PARP1: variants seen among roughly 807,000 people sequenced by gnomAD.
PARP1 encodes the protein poly [ADP-ribose] polymerase 1.
A neutral mutation model predicts 118.7 loss-of-function variants in PARP1; 44 were observed. That is an observed-to-expected ratio of 0.37 (90% CI 0.29 to 0.48). PARP1 has a LOEUF of 0.48. PARP1 is among the 20% of genes least tolerant of loss of function. The pLI is 0.99. For synonymous variants in PARP1, 492 were observed against 483.2 expected (o/e 1.02, Z -0.24); for missense variants, 1,100 against 1,272.4 (o/e 0.86, Z 2.06).
rs768827682 is a variant in PARP1, at chr1:226,390,537, C to T, written c.490G>A (p.Val164Ile). ...AAACCCAGCTCCTCCCTGTTCTTGACAAAGCAGCCTGGATGGTACCAGCGG... is the reference window on the plus strand; with the variant it reads ...AAACCCAGCTCCTCCCTGTTCTTGATAAAGCAGCCTGGATGGTACCAGCGG... ...IDRWYHPGCFVKNREELGFRP... is the reference protein window; with the variant it reads ...IDRWYHPGCFIKNREELGFRP... Residue 164 changes from valine (V) to isoleucine (I), a missense_variant, in exon 4 of 23, where the codon GTC becomes ATC. Val to Ile is a conservative substitution (Grantham distance 29). Coordinates refer to ENST00000366794, the MANE Select transcript of PARP1 (RefSeq NM_001618.4). The T allele has an allele frequency of 3.7e-6, 6 of 1,614,126 alleles. No individual in the cohort carries two copies. In the African/African-American group the frequency reaches 8.0e-5, roughly 22 times the overall value.
rs61835379 is a variant in PARP1 at position 226,380,304 on chromosome 1, C to T, written c.1301-140G>A. The T allele has an allele frequency of 2.1e-3, 1,831 of 863,186 alleles. 3 individuals are homozygous for T. Among genetic ancestry groups the T allele is most frequent in the Admixed American group, 3.0e-3 (144 of 48,152 alleles). 53.5% of individuals were successfully genotyped at this position (863,186 alleles called of 1,614,324 possible). Reference sequence around the variant, plus strand: ...TCCTTTGCTTCCAAGTCTAATGCTCCCAAGAGTGTTTTTATCAGCAACATT... The same window carrying T: ...TCCTTTGCTTCCAAGTCTAATGCTCTCAAGAGTGTTTTTATCAGCAACATT... On this transcript the variant is annotated intron_variant, in intron 9 of 22. Coordinates refer to ENST00000366794, the MANE Select transcript of PARP1 (RefSeq NM_001618.4).
intron 19 of PARP1, chr1:226,364,414 T>C (rs1664210107): frequency 2.8e-6 from 1 of 350,972 alleles, no homozygotes; most frequent in African/African-American, 2.1e-5. Flanking sequence ...ACCCAAGGAA[T>C]GCAGGCTGGT....
In PARP1 at chr1:226,370,479, T is replaced by G. The variant is rs1664358532; in HGVS notation, c.2109A>C (p.Lys703Asn). The G allele has an allele frequency of 6.2e-7, 1 of 1,614,014 alleles. No individual in the cohort carries two copies. The highest frequency in any genetic ancestry group is 8.5e-7 in the Non-Finnish European group (1 of 1,179,968). ...TGGAGTATGCGGCCTGGATCTGCCT[T>G]TTGCTCAGCTTCCCCAAGGGCATCT... is the stretch of plus-strand genomic sequence containing the variant. Reference protein sequence around the residue: ...LQKMPLGKLSKRQIQAAYSIL... With the variant: ...LQKMPLGKLSNRQIQAAYSIL... The change falls in exon 15 of 23, where the codon AAA (lysine) becomes AAC (asparagine). Residue 703 changes from lysine to asparagine, a missense_variant. This residue lies in a region of PARP1 where 948 missense variants were observed against 1,031.8 expected (regional missense o/e 0.92). Transcript: ENST00000366794.
At chr1:226,374,430 C>T (rs1664451995) in intron 13 of PARP1, 76 bp from the exon 14 acceptor site, 1 of 1,572,278 alleles carries the variant, frequency 6.4e-7, no homozygotes, top group African/African-American at 1.3e-5. Context: ...TGGGGCTGGA[C>T]TGCAGACAAA....
chr1:226,380,038 T>C lies in PARP1; in HGVS notation c.1427A>G (p.His476Arg), dbSNP rs1303502360. ...CTCTGCCCCCCAAGGGGACAAGATG[T>C]GCGCTAAGAACAACTCCTGAAGGCT... ...TKSLQELFLA[H>R]ILSPWGAEVK... Residue 476 changes from histidine to arginine, a missense_variant, in exon 10 of 23, where the codon CAC becomes CGC. His to Arg is a conservative substitution (Grantham distance 29). Coordinates refer to ENST00000366794, the MANE Select transcript of PARP1 (RefSeq NM_001618.4). 1.2e-6 allele frequency: 2 copies of C among 1,614,184 alleles called. No homozygotes were observed. Among genetic ancestry groups the C allele is most frequent in the South Asian group, 2.2e-5 (2 of 91,072 alleles).
In PARP1 at chr1:226,380,058, AAGGCTCTTGGTGG is replaced by A; in HGVS notation, c.1394_1406del (p.Ser465PhefsTer6). The stretch of plus-strand genomic sequence containing the variant: ...AGATGTGCGCTAAGAACAACTCCTG[AAGGCTCTTGGTGG>A]AGGCGGAGACGTCCTGGAGGAAGTC... On this transcript the variant is annotated frameshift_variant, in exon 10 of 23. Coordinates refer to ENST00000366794, the MANE Select transcript of PARP1 (RefSeq NM_001618.4). LOFTEE classifies it high-confidence loss of function. The A allele has an allele frequency of 6.2e-7, 1 of 1,614,170 alleles. No homozygotes were observed. The highest frequency in any genetic ancestry group is 1.1e-5 in the South Asian group (1 of 91,076).
At chr1:226,390,341 G>T in intron 4 of PARP1, 69 bp downstream of exon 4, 1 of 1,337,274 alleles carries the variant, frequency 7.5e-7, no homozygotes, top group Non-Finnish European at 1.1e-6. Context: ...TATGGAACCT[G>T]TAGGGCCTTT....
intron 1 of PARP1, 69 bp downstream of exon 1, chr1:226,407,741 C>CCCCCA: frequency 6.6e-7 from 1 of 1,516,962 alleles, no homozygotes; most frequent in East Asian, 2.6e-5. Flanking sequence ...CGCCCTCCCC[C>CCCCCA]AGCCTTCCCG....
Position 226,361,358 on chromosome 1 carries a change from G to T in PARP1, c.*102C>A, listed in dbSNP as rs1576388726. On this transcript the variant is annotated 3_prime_UTR_variant, in exon 23 of 23. Coordinates refer to ENST00000366794, the MANE Select transcript of PARP1 (RefSeq NM_001618.4). ...TCCTTTCTGAGGTGGTTTAGTACAG[G>T]TACTACCCATCAGCAACTTAGCGGC... 1.3e-5 allele frequency: 10 copies of T among 753,544 alleles called. No homozygotes were observed. In the East Asian group the frequency reaches 2.6e-4, roughly 20 times the overall value. The allele number at this position is 753,544 out of a possible 1,614,324, so 46.7% of individuals were successfully genotyped here.
rs1306775691 is a variant in PARP1 at position 226,391,663 on chromosome 1, C to G, written c.402+536G>C. On this transcript the variant is annotated intron_variant, in intron 3 of 22. Coordinates refer to ENST00000366794, the MANE Select transcript of PARP1 (RefSeq NM_001618.4). ...AATACCTCCGGGAGGCAGAGACTTT[C>G]AATTAATGCCTTAAATGAATCAATT... 2.6e-5 allele frequency among the ~76,000 whole-genome samples: 4 copies of G among 152,200 alleles called. No individual in the cohort carries two copies. The East Asian group carries it at 7.7e-4, about 29-fold the overall frequency.
At chr1:226,404,856 C>G (rs1665112308) in intron 1 of PARP1, among the ~76,000 whole-genome samples, 1 of 152,204 alleles carries the variant, frequency 6.6e-6, no homozygotes, top group Non-Finnish European at 1.5e-5. Context: ...CCCTTCTGTG[C>G]AGAACAGGCC....
intron 1 of PARP1, among the ~76,000 whole-genome samples, chr1:226,403,606 C>A (rs1665082350): frequency 6.6e-6 from 1 of 152,198 alleles, no homozygotes; most frequent in African/African-American, 2.4e-5. Flanking sequence ...TGGGAACCAG[C>A]CCTTTCATTC....
intron 1 of PARP1, among the ~76,000 whole-genome samples, chr1:226,407,265 T>C (rs181401211): frequency 1.2e-4 from 19 of 152,184 alleles, no homozygotes; most frequent in East Asian, 5.8e-4. Context: ...TCAAAGTGAA[T>C]GTACTGTACA....
intron 1 of PARP1, 55 bp from the exon 2 acceptor site, chr1:226,402,434 C>G: frequency 7.8e-6 from 12 of 1,544,586 alleles, no homozygotes; most frequent in Non-Finnish European, 1.1e-5. Flanking sequence ...TTGACTTAGA[C>G]CCACTAGACC....
intron 4 of PARP1, among the ~76,000 whole-genome samples, chr1:226,389,341 G>A (rs1576399465): frequency 6.6e-6 from 1 of 152,298 alleles, no homozygotes; most frequent in African/African-American, 2.4e-5. Flanking sequence ...ACACAGCTCT[G>A]AGGCTATCAC....
intron 12 of PARP1, among the ~76,000 whole-genome samples, chr1:226,378,778 T>C (rs1005353627): frequency 3.3e-5 from 5 of 152,214 alleles, no homozygotes; most frequent in South Asian, 2.1e-4. Context: ...AAGGCTCCGC[T>C]GAGCTGTGAT....
chr1:226,370,681 AC>A, intron 14 of PARP1, 164 bp from the exon 15 acceptor site: 1 of 678,624 alleles, frequency 1.5e-6, no homozygotes, highest in South Asian at 1.5e-5. Flanking sequence ...CTGTAGCCCC[AC>A]CCCACCATGA....
chr1:226,386,831 C>T (rs1664725563), intron 5 of PARP1, among the ~76,000 whole-genome samples: 1 of 152,152 alleles, frequency 6.6e-6, no homozygotes, highest in South Asian at 2.1e-4. Flanking sequence ...CATTCTCCAC[C>T]AATCTTAGAG....
chr1:226,382,391 T>C (rs1009252464), intron 8 of PARP1, among the ~76,000 whole-genome samples: 1 of 152,020 alleles, frequency 6.6e-6, no homozygotes, highest in African/African-American at 2.4e-5. Context: ...GCCTGGAGAG[T>C]GAGGCCTGGG....
Sources: allele counts gnomAD v4.1 joint callset (sites outside exome capture counted in the v4.1 genomes callset), GRCh38; gene constraint gnomAD v4.1.1; regional missense constraint gnomAD v4.1.1; transcripts MANE v1.5; gene names NCBI Gene and HGNC (gene_info 2026-07-23, HGNC 2026-07-21).